Variants in KYAT1 observed in about 807,000 individuals in gnomAD.
The protein encoded by KYAT1 is kynurenine--oxoglutarate transaminase 1.
A neutral mutation model predicts 52.4 loss-of-function variants in KYAT1; 47 were observed. The observed-to-expected ratio is 0.90, with a 90% CI of 0.71 to 1.14. The LOEUF is 1.14. KYAT1 is among the 50% of genes most tolerant of loss of function. The probability of loss-of-function intolerance (pLI) is 0.00; values close to 1 mark genes in which losing one functional copy is unlikely to be tolerated. For synonymous variants in KYAT1, 212 were observed against 209.6 expected (o/e 1.01, Z -0.10); for missense variants, 480 against 557.9 (o/e 0.86, Z 1.41).
At chr9:128,836,432 G>A (rs1201950417) in intron 7 of KYAT1, among the ~76,000 whole-genome samples, 1 of 151,724 alleles carries the variant, frequency 6.6e-6, no homozygotes, top group African/African-American at 2.4e-5. Context: ...CTGAGTAGCT[G>A]GGACTACAGG....
intron 2 of KYAT1, among the ~76,000 whole-genome samples, chr9:128,843,162 T>C (rs1832503902): frequency 6.6e-6 from 1 of 152,126 alleles, no homozygotes; most frequent in Admixed American, 6.6e-5. Context: ...AGTGAGATTC[T>C]GTCTTAAAAA....
rs767477284 is a variant in KYAT1, at chr9:128,851,328, G to A, written c.-6-5917C>T. Reference sequence around the variant, plus strand: ...CAGCTGATGAGAGATTCCCGAGTACGTCCACGGTCAGCCTTGCAGTATGCT... The same window carrying A: ...CAGCTGATGAGAGATTCCCGAGTACATCCACGGTCAGCCTTGCAGTATGCT... On this transcript the variant is annotated intron_variant, in intron 1 of 12. Transcript: ENST00000302586. 4.6e-5 allele frequency among the ~76,000 whole-genome samples: 7 copies of A among 152,164 alleles called. No homozygotes were observed. In the East Asian group the frequency reaches 1.2e-3, roughly 25 times the overall value.
At chr9:128,852,072 ACTCTCT>A (rs1462171082) in intron 1 of KYAT1, among the ~76,000 whole-genome samples, 2 of 152,116 alleles carry the variant, frequency 1.3e-5, no homozygotes, top group Non-Finnish European at 2.9e-5. Context: ...AACAGTGGCC[ACTCTCT>A]AAGGAAAAGT....
intron 1 of KYAT1, among the ~76,000 whole-genome samples, chr9:128,853,793 T>A (rs1035776472): frequency 1.3e-5 from 2 of 152,128 alleles, no homozygotes; most frequent in African/African-American, 4.8e-5. Flanking sequence ...AGGCAAAAAA[T>A]GTTGTACAAC....
At chr9:128,864,320 T>A (rs1835880565) in intron 1 of KYAT1, among the ~76,000 whole-genome samples, 1 of 140,280 alleles carries the variant, frequency 7.1e-6, no homozygotes, top group Non-Finnish European at 1.5e-5. Context: ...GAGCCGAGAT[T>A]GCGCCATTGC....
At chr9:128,845,639 C>G in intron 1 of KYAT1, 1 of 555,374 alleles carries the variant, frequency 1.8e-6, no homozygotes, top group Non-Finnish European at 3.2e-6. Flanking sequence ...CTCCACCTCC[C>G]CAACCTGCAG....
rs528245936 is a variant in KYAT1, at chr9:128,871,968, A to T, written c.-7+9929T>A. Among the ~76,000 whole-genome samples, 5 of 151,240 alleles carry T rather than the reference A, an allele frequency of 3.3e-5. 1 individual carries two copies. In the East Asian group the frequency reaches 9.8e-4, roughly 30 times the overall value. ...TGGTGAAAGCCTGTCTCTACTAAAA[A>T]AAATACAAAAATTAGCTGGGCATAG... is the stretch of plus-strand genomic sequence containing the variant. On this transcript the variant is annotated intron_variant, in intron 1 of 12. Coordinates refer to ENST00000302586, the MANE Select transcript of KYAT1 (RefSeq NM_004059.5).
intron 1 of KYAT1, among the ~76,000 whole-genome samples, chr9:128,857,819 C>G (rs1268385071): frequency 1.2e-4 from 18 of 151,752 alleles, no homozygotes; most frequent in Admixed American, 1.1e-3. Flanking sequence ...CTGGGCGACA[C>G]AGCGAGACTC....
chr9:128,866,586 G>A (rs555817920), intron 1 of KYAT1, among the ~76,000 whole-genome samples: 4 of 151,582 alleles, frequency 2.6e-5, no homozygotes, highest in African/African-American at 4.9e-5. Context: ...GCAACAGAGC[G>A]AGACTCTGTC....
At chr9:128,834,604 A>T (rs1830670400) in intron 11 of KYAT1, among the ~76,000 whole-genome samples, 1 of 151,892 alleles carries the variant, frequency 6.6e-6, no homozygotes, top group South Asian at 2.1e-4. Flanking sequence ...GGAGTGGATC[A>T]TCTGAGGTCA....
chr9:128,861,569 C>A (rs1218687398), intron 1 of KYAT1, among the ~76,000 whole-genome samples: 3 of 152,204 alleles, frequency 2.0e-5, no homozygotes, highest in South Asian at 4.1e-4. Context: ...GATGCCAGAG[C>A]TCACCCTCTC....
intron 3 of KYAT1, among the ~76,000 whole-genome samples, chr9:128,842,407 A>T (rs1013582387): frequency 6.6e-6 from 1 of 152,130 alleles, no homozygotes; most frequent in African/African-American, 2.4e-5. Flanking sequence ...TACTCGCACG[A>T]TATCCCATCC....
intron 11 of KYAT1, 83 bp from the exon 12 acceptor site, chr9:128,833,909 G>T: frequency 4.7e-6 from 5 of 1,064,644 alleles, no homozygotes; most frequent in South Asian, 4.0e-5. Context: ...AGGTTCCCAC[G>T]ACCAGGCGGG....
At chr9:128,839,449 C>G (rs1164291112) in intron 3 of KYAT1, among the ~76,000 whole-genome samples, 1 of 151,934 alleles carries the variant, frequency 6.6e-6, no homozygotes, top group East Asian at 1.9e-4. Flanking sequence ...AAGGTGAAAC[C>G]CCGTCTCTAC....
At position 128,835,770 on chromosome 9, in the gene KYAT1, C is replaced by G. The variant is rs768852737; in HGVS notation, c.855+9G>C. 72 of 1,611,160 alleles carry G rather than the reference C, an allele frequency of 4.5e-5. No homozygotes were observed. The highest frequency in any genetic ancestry group is 6.1e-5 in the Non-Finnish European group (72 of 1,178,710). On this transcript the variant is annotated intron_variant, in intron 9 of 12. Coordinates refer to ENST00000302586, the MANE Select transcript of KYAT1 (RefSeq NM_004059.5). The stretch of plus-strand genomic sequence containing the variant: ...CCCCACTCCCCCGTGACGTCCTGCC[C>G]CTCTTCACCTGGCTCTGCGTGGGGC...
intron 8 of KYAT1, 26 bp downstream of exon 8, chr9:128,835,971 G>A: frequency 6.2e-7 from 1 of 1,605,720 alleles, no homozygotes; most frequent in Non-Finnish European, 8.5e-7. Flanking sequence ...GCAGGGGGTG[G>A]TGACCTCCCA....
At chr9:128,862,169 A>T (rs1835550029) in intron 1 of KYAT1, among the ~76,000 whole-genome samples, 1 of 152,138 alleles carries the variant, frequency 6.6e-6, no homozygotes, top group African/African-American at 2.4e-5. Flanking sequence ...AATTGAGCTA[A>T]TTTTTGTATT....
At chr9:128,836,155 C>CGCATAGG in intron 7 of KYAT1, 82 bp from the exon 8 acceptor site, 1 of 1,245,486 alleles carries the variant, frequency 8.0e-7, no homozygotes, top group Non-Finnish European at 1.1e-6. Flanking sequence ...CCAGGGGACA[C>CGCATAGG]GCATAGGCTT....
Position 128,833,776 on chromosome 9 carries a change from C to T in KYAT1, c.1173G>A (p.Lys391=). Residue 391 remains lysine, a synonymous_variant, in exon 12 of 13, where the codon AAG becomes AAA. Transcript: ENST00000302586. ...AGAAGCGGATATAGTGGTCAAAGTG[C>T]TTCTGATGTGGCACACTATAGAAGA... ...VSIFYSVPHQ[K]HFDHYIRFCF... 1 of 1,614,262 alleles carries T rather than the reference C, an allele frequency of 6.2e-7. No homozygotes were observed. Among genetic ancestry groups the T allele is most frequent in the Non-Finnish European group, 8.5e-7 (1 of 1,180,050 alleles).
Sources: allele counts gnomAD v4.1 joint callset (sites outside exome capture counted in the v4.1 genomes callset), GRCh38; gene constraint gnomAD v4.1.1; transcripts MANE v1.5; gene names NCBI Gene and HGNC (gene_info 2026-07-23, HGNC 2026-07-21).